Variants in RNF150 observed in about 807,000 individuals in gnomAD.
RNF150 encodes the protein ring finger protein 150.
Under a neutral mutation model 39.3 loss-of-function variants are expected in RNF150, and 24 were observed. The ratio of observed to expected loss-of-function variants is 0.61; its 90% CI spans 0.44 to 0.86. The LOEUF is 0.86. Ranked by LOEUF, RNF150 falls within the 40% of genes least tolerant of loss-of-function variation. The probability of loss-of-function intolerance (pLI) is 0.00; values close to 1 mark genes in which losing one functional copy is unlikely to be tolerated. For missense variants in RNF150, 502 were observed against 587.8 expected, an observed-to-expected ratio of 0.85 and a Z score of 1.51; for synonymous variants, 255 against 227.3, an observed-to-expected ratio of 1.12 and a Z score of -1.10.
intron 2 of RNF150, 75 bp downstream of exon 2, chr4:140,967,548 T>C (rs906799951): frequency 1.4e-6 from 2 of 1,389,710 alleles, no homozygotes; most frequent in Admixed American, 2.5e-5. Flanking sequence ...GCTTGGTATT[T>C]TCTGTCATGT....
chr4:140,882,265 C>T (rs993710949), intron 6 of RNF150, among the ~76,000 whole-genome samples: 6 of 152,150 alleles, frequency 3.9e-5, no homozygotes, highest in Admixed American at 1.3e-4. Flanking sequence ...GTGATCCACC[C>T]GCCTCGGCCT....
chr4:140,899,538 G>A (rs1484438207), intron 6 of RNF150, among the ~76,000 whole-genome samples: 9 of 152,148 alleles, frequency 5.9e-5, no homozygotes, highest in Admixed American at 5.9e-4. Context: ...GGAGATTGGT[G>A]GTGGTGGTGG....
chr4:140,867,860 C>T lies in RNF150; in HGVS notation c.*401G>A, dbSNP rs1218899559. Reference sequence around the variant, plus strand: ...AACAAAGGAATAGATGGAAAGTAAACTACAAATAATCTTTAAAAAAATTGC... The same window carrying T: ...AACAAAGGAATAGATGGAAAGTAAATTACAAATAATCTTTAAAAAAATTGC... On this transcript the variant is annotated 3_prime_UTR_variant, in exon 7 of 7. Coordinates refer to ENST00000515673, the MANE Select transcript of RNF150 (RefSeq NM_020724.2). 1 of 160,200 alleles carries T rather than the reference C, an allele frequency of 6.2e-6. No homozygotes were observed. Among genetic ancestry groups the T allele is most frequent in the Admixed American group, 6.4e-5 (1 of 15,606 alleles). 9.9% of individuals were successfully genotyped at this position (160,200 alleles called of 1,614,324 possible).
At chr4:141,000,532 G>A (rs1449524361) in intron 1 of RNF150, among the ~76,000 whole-genome samples, 1 of 152,120 alleles carries the variant, frequency 6.6e-6, no homozygotes, top group African/African-American at 2.4e-5. Flanking sequence ...TTGCCATGCT[G>A]GTAATAGGCT....
intron 1 of RNF150, among the ~76,000 whole-genome samples, chr4:140,992,564 A>G (rs1424897026): frequency 1.3e-5 from 2 of 152,172 alleles, no homozygotes; most frequent in African/African-American, 2.4e-5. Flanking sequence ...GAGAGGCACT[A>G]CAGACTGAGC....
At chr4:140,965,197 C>G (rs1733189915) in intron 2 of RNF150, among the ~76,000 whole-genome samples, 1 of 152,102 alleles carries the variant, frequency 6.6e-6, no homozygotes, top group South Asian at 2.1e-4. Context: ...GATCACACCT[C>G]ACACCTGTTA....
chr4:141,016,269 A>G (rs3851425), intron 1 of RNF150, among the ~76,000 whole-genome samples: 23,204 of 152,168 alleles, frequency 0.15, 1,998 homozygotes, highest in Middle Eastern at 0.24. Flanking sequence ...TGGACTCTGG[A>G]CCAGACTGAA....
intron 5 of RNF150, among the ~76,000 whole-genome samples, chr4:140,922,275 A>G (rs1412188079): frequency 6.6e-6 from 1 of 151,394 alleles, no homozygotes; most frequent in Non-Finnish European, 1.5e-5. Flanking sequence ...GCGAAGTCTC[A>G]GGACATAAAA....
At chr4:140,952,762 A>G (rs1030251304) in intron 2 of RNF150, among the ~76,000 whole-genome samples, 6 of 152,218 alleles carry the variant, frequency 3.9e-5, no homozygotes, top group Non-Finnish European at 8.8e-5. Flanking sequence ...GGATTAAGTC[A>G]TTTAGGAGAT....
intron 1 of RNF150, chr4:140,997,040 A>T (rs1425122597): frequency 6.6e-6 from 1 of 152,228 alleles, no homozygotes; most frequent in African/African-American, 2.4e-5. Context: ...CTGTCCTACA[A>T]ACCACAAGGG....
intron 6 of RNF150, among the ~76,000 whole-genome samples, chr4:140,901,584 C>T (rs1260395204): frequency 1.3e-5 from 2 of 152,164 alleles, no homozygotes; most frequent in Non-Finnish European, 2.9e-5. Flanking sequence ...CCTTAAAATT[C>T]AACATATTCA....
At chr4:141,156,805 G>A (rs914926263) in intron 1 of RNF150, among the ~76,000 whole-genome samples, 2 of 151,556 alleles carry the variant, frequency 1.3e-5, no homozygotes, top group African/African-American at 4.9e-5. Flanking sequence ...TACTCAGGAG[G>A]CTGAGGCATA....
intron 1 of RNF150, among the ~76,000 whole-genome samples, chr4:141,016,859 G>A (rs1208075019): frequency 2.6e-5 from 4 of 151,820 alleles, no homozygotes; most frequent in East Asian, 1.9e-4. Flanking sequence ...TTCTTCTTTC[G>A]GCCCAGTTCT....
intron 1 of RNF150, among the ~76,000 whole-genome samples, chr4:141,106,087 T>G (rs1235200870): frequency 1.3e-5 from 2 of 152,196 alleles, no homozygotes; most frequent in Non-Finnish European, 2.9e-5. Flanking sequence ...CTCAAAGTGT[T>G]CACATCTTCT....
At position 141,118,754 on chromosome 4, in the gene RNF150, T is replaced by G. The variant is rs34693095; in HGVS notation, c.484+13571A>C. Among the ~76,000 whole-genome samples the G allele has an allele frequency of 1.1e-3, 169 of 152,204 alleles. 1 individual carries two copies. The highest frequency in any genetic ancestry group is 3.9e-3 in the African/African-American group (164 of 41,528). On this transcript the variant is annotated intron_variant, in intron 1 of 6. Coordinates refer to ENST00000515673, the MANE Select transcript of RNF150 (RefSeq NM_020724.2). ...GATACGTGTTTTTCTGTTTGTTTGA[T>G]TGAGTGAGTGATTGATTGATTTTTG...
chr4:141,027,721 G>A (rs1735756965), intron 1 of RNF150, among the ~76,000 whole-genome samples: 1 of 152,124 alleles, frequency 6.6e-6, no homozygotes, highest in Non-Finnish European at 1.5e-5. Context: ...ATGGAATAAG[G>A]AAGGGGAGGC....
chr4:141,186,229 AGGACTCGAC>A (rs1728006864), intron 1 of RNF150, among the ~76,000 whole-genome samples: 1 of 152,158 alleles, frequency 6.6e-6, no homozygotes. Context: ...GGTGTATTCA[AGGACTCGAC>A]TTCTTCCTGG....
chr4:141,121,375 C>T (rs528962402), intron 1 of RNF150, among the ~76,000 whole-genome samples: 1 of 152,320 alleles, frequency 6.6e-6, no homozygotes, highest in South Asian at 2.1e-4. Context: ...GCACCAGAAT[C>T]TTCTTTTTCA....
chr4:141,046,380 C>T (rs1001010357), intron 1 of RNF150, among the ~76,000 whole-genome samples: 3 of 152,130 alleles, frequency 2.0e-5, no homozygotes, highest in Admixed American at 6.5e-5. Context: ...CTTCAGTTGC[C>T]AAAGTTTGGG....
Sources: gnomAD v4.1 joint callset for allele counts (sites outside exome capture counted in the v4.1 genomes callset) on GRCh38, gnomAD v4.1.1 for gene constraint, MANE v1.5 for transcripts, NCBI Gene and HGNC (gene_info 2026-07-23, HGNC 2026-07-21) for gene names.